Variants in ANGPT2 observed in about 807,000 individuals in gnomAD.
The protein encoded by ANGPT2 is angiopoietin-2.
In ANGPT2, 28 loss-of-function variants were observed where a neutral mutation model predicts 62.9. The ratio of observed to expected loss-of-function variants is 0.44; its 90% CI spans 0.33 to 0.61. The LOEUF (loss-of-function observed/expected upper bound fraction) is 0.61. Ranked by LOEUF, ANGPT2 falls within the 20% of genes least tolerant of loss-of-function variation. ANGPT2 has a pLI of 0.03. For synonymous variants in ANGPT2, 284 were observed against 207.8 expected (o/e 1.37, Z -3.15); for missense variants, 727 against 594.9 (o/e 1.22, Z -2.31).
At chr8:6,507,988 A>G (rs1268200906) in intron 8 of ANGPT2, 1 of 152,192 alleles carries the variant, frequency 6.6e-6, no homozygotes, top group African/African-American at 2.4e-5. Flanking sequence ...TTTTTGGCTT[A>G]TGAGTGTGGT....
At chr8:6,519,496 T>C (rs1392931276) in intron 5 of ANGPT2, among the ~76,000 whole-genome samples, 1 of 152,256 alleles carries the variant, frequency 6.6e-6, no homozygotes, top group African/African-American at 2.4e-5. Context: ...CTATGGCTGA[T>C]GCACTATGGT....
At chr8:6,520,850 T>C (rs766958139) in intron 4 of ANGPT2, among the ~76,000 whole-genome samples, 5 of 152,222 alleles carry the variant, frequency 3.3e-5, no homozygotes, top group Admixed American at 3.3e-4. Flanking sequence ...GGTCTGATAT[T>C]ATTTTTCCCA....
chr8:6,515,821 A>G (rs1175690078), intron 5 of ANGPT2, among the ~76,000 whole-genome samples: 1 of 152,202 alleles, frequency 6.6e-6, no homozygotes, highest in Non-Finnish European at 1.5e-5. Context: ...TTGGCAGGGT[A>G]AGCTTCAACG....
intron 1 of ANGPT2, among the ~76,000 whole-genome samples, chr8:6,558,793 C>A (rs1477990313): frequency 6.6e-6 from 1 of 152,040 alleles, no homozygotes; most frequent in East Asian, 1.9e-4. Flanking sequence ...ACAAAGACTA[C>A]TTGACCATAG....
At chr8:6,536,408 A>G (rs1205776027) in intron 1 of ANGPT2, among the ~76,000 whole-genome samples, 1 of 75,278 alleles carries the variant, frequency 1.3e-5, no homozygotes, top group Non-Finnish European at 3.1e-5. Flanking sequence ...GCCTTTTAAG[A>G]GCCAAAGTGA....
chr8:6,521,125 T>G (rs1817250991), intron 4 of ANGPT2, 53 bp downstream of exon 4: 1 of 1,477,578 alleles, frequency 6.8e-7, no homozygotes, highest in Admixed American at 1.9e-5. Context: ...CTTTTGAGTG[T>G]TTTACTGACT....
chr8:6,545,382 T>C (rs994205889), intron 1 of ANGPT2, among the ~76,000 whole-genome samples: 7 of 152,218 alleles, frequency 4.6e-5, no homozygotes, highest in Admixed American at 3.3e-4. Flanking sequence ...CTAAAAGACA[T>C]TTAGAAATGA....
chr8:6,510,336 C>T (rs1382445113), intron 7 of ANGPT2, among the ~76,000 whole-genome samples: 2 of 152,030 alleles, frequency 1.3e-5, no homozygotes, highest in African/African-American at 2.4e-5. Flanking sequence ...AGGCGAGGAG[C>T]CTACAAAGCA....
At chr8:6,558,257 A>G (rs574097282) in intron 1 of ANGPT2, among the ~76,000 whole-genome samples, 4 of 152,360 alleles carry the variant, frequency 2.6e-5, no homozygotes, top group Admixed American at 2.6e-4. Context: ...CTAATCTCCA[A>G]GAAAGGGATG....
chr8:6,530,697 C>G (rs911488595), intron 2 of ANGPT2, among the ~76,000 whole-genome samples: 1 of 152,052 alleles, frequency 6.6e-6, no homozygotes, highest in East Asian at 1.9e-4. Context: ...TTTTCTTGAA[C>G]TGTTGTGATA....
At chr8:6,520,081 A>G (rs899558026) in intron 4 of ANGPT2, 90 bp from the exon 5 acceptor site, 19 of 1,473,586 alleles carry the variant, frequency 1.3e-5, no homozygotes, top group Admixed American at 2.0e-5. Flanking sequence ...GGTGAGTTTT[A>G]TTACTTTGGA....
intron 5 of ANGPT2, among the ~76,000 whole-genome samples, chr8:6,515,360 G>A (rs567069265): frequency 2.2e-4 from 33 of 152,256 alleles, no homozygotes; most frequent in African/African-American, 7.7e-4. Context: ...CTGAGCACAA[G>A]GGCCTTGAGG....
At chr8:6,531,432 A>G (rs1337564664) in intron 2 of ANGPT2, among the ~76,000 whole-genome samples, 1 of 151,534 alleles carries the variant, frequency 6.6e-6, no homozygotes, top group Non-Finnish European at 1.5e-5. Context: ...GGGATTGCAG[A>G]TGCCCGCCAC....
At chr8:6,506,219 G>C (rs755557012) in intron 8 of ANGPT2, among the ~76,000 whole-genome samples, 1 of 151,702 alleles carries the variant, frequency 6.6e-6, no homozygotes, top group South Asian at 2.1e-4. Context: ...CAGATTCATA[G>C]GTCAGTGCCT....
chr8:6,536,273 G>A (rs1196058290), intron 1 of ANGPT2, among the ~76,000 whole-genome samples: 10 of 152,116 alleles, frequency 6.6e-5, no homozygotes, highest in African/African-American at 2.2e-4. Context: ...TGCCTGTGCT[G>A]TATGGGAATC....
intron 1 of ANGPT2, among the ~76,000 whole-genome samples, chr8:6,547,434 A>T (rs969589366): frequency 2.6e-5 from 4 of 152,102 alleles, no homozygotes; most frequent in African/African-American, 9.7e-5. Flanking sequence ...CTCCACTGCC[A>T]TAAGTTATAA....
At chr8:6,513,576 G>T in intron 7 of ANGPT2, 102 bp downstream of exon 7, 1 of 829,118 alleles carries the variant, frequency 1.2e-6, no homozygotes, top group South Asian at 2.0e-5. Context: ...CTCGTGATCT[G>T]CCCACCTCGG....
At chr8:6,550,605 GC>G (rs1653913075) in intron 1 of ANGPT2, among the ~76,000 whole-genome samples, 1 of 152,238 alleles carries the variant, frequency 6.6e-6, no homozygotes, top group Admixed American at 6.5e-5. Flanking sequence ...GTGTAGGGTG[GC>G]GGGCGTTGGT....
At chr8:6,510,358 G>A (rs921546509) in intron 7 of ANGPT2, among the ~76,000 whole-genome samples, 1 of 152,244 alleles carries the variant, frequency 6.6e-6, no homozygotes, top group African/African-American at 2.4e-5. Context: ...ATCCTGCAAT[G>A]GTGGCAGGAG....
Sources: allele counts gnomAD v4.1 joint callset (sites outside exome capture counted in the v4.1 genomes callset), GRCh38; gene constraint gnomAD v4.1.1; transcripts MANE v1.5; gene names NCBI Gene and HGNC (gene_info 2026-07-23, HGNC 2026-07-21).